DPP4: variants seen among roughly 807,000 people sequenced by gnomAD.
DPP4 encodes ADCP-2.
DPP4 carries 93 observed loss-of-function variants against 122.4 expected under a neutral mutation model. The observed-to-expected ratio is 0.76, with a 90% confidence interval of 0.64 to 0.90. The LOEUF is 0.90. Among genes scored for constraint, DPP4 ranks in the 40% least tolerant of loss-of-function variants. DPP4 has a pLI of 0.00. For synonymous variants in DPP4, 321 were observed against 302.9 expected (o/e 1.06, Z -0.62); for missense variants, 914 against 907.3 (o/e 1.01, Z -0.09).
chr2:162,006,197 C>CTTA (rs1309758999), intron 22 of DPP4, among the ~76,000 whole-genome samples: 1 of 152,146 alleles, frequency 6.6e-6, no homozygotes, highest in Non-Finnish European at 1.5e-5. Context: ...GGTAAGGGAT[C>CTTA]TTAACATTAT....
Position 162,038,299 on chromosome 2 carries a change from T to C in DPP4, c.613+3A>G, listed in dbSNP as rs1683857148. On this transcript the variant is annotated splice_donor_region_variant and intron_variant, in intron 8 of 25. Coordinates refer to ENST00000360534, the MANE Select transcript of DPP4 (RefSeq NM_001935.4). ...TGATTTGAAAAAGCTTTAAAGTTTC[T>C]ACCTTCATAAACCCAGTCAGTTATT... 1.3e-6 allele frequency: 2 copies of C among 1,550,072 alleles called. No homozygotes were observed.
At chr2:162,010,340 T>C (rs537340749) in intron 20 of DPP4, among the ~76,000 whole-genome samples, 1 of 152,348 alleles carries the variant, frequency 6.6e-6, no homozygotes, top group South Asian at 2.1e-4. Context: ...ATGTTTTTCT[T>C]TTATTGAATT....
chr2:162,037,534 C>CTTG (rs1683821920), intron 8 of DPP4, among the ~76,000 whole-genome samples: 1 of 151,954 alleles, frequency 6.6e-6, no homozygotes, highest in African/African-American at 2.4e-5. Context: ...TTTTTTTAAA[C>CTTG]TACAAAGAAG....
Position 162,024,796 on chromosome 2 carries a change from A to T in DPP4, c.1023+8T>A. On this transcript the variant is annotated splice_region_variant and intron_variant, in intron 11 of 25. Transcript: ENST00000360534. ...CTCTAGAAGCAGAACATCCCCATTCAGTCTCACCACTAAGCAGTTCCATCT... is the reference window on the plus strand; with the variant it reads ...CTCTAGAAGCAGAACATCCCCATTCTGTCTCACCACTAAGCAGTTCCATCT... The T allele has an allele frequency of 6.2e-7, 1 of 1,612,816 alleles. No homozygotes were observed. The highest frequency in any genetic ancestry group is 8.5e-7 in the Non-Finnish European group (1 of 1,179,804).
intron 1 of DPP4, 30 bp downstream of exon 1, chr2:162,073,946 C>T: frequency 1.2e-6 from 2 of 1,611,398 alleles, no homozygotes; most frequent in Non-Finnish European, 1.7e-6. Context: ...CCACAGCTCG[C>T]CCCGGGGACG....
In DPP4 at chr2:162,024,884, A is replaced by T; in HGVS notation, c.943T>A (p.Trp315Arg). The part of the protein sequence containing the change: ...WATQERISLQ[W>R]LRRIQNYSVM... ...GAATAGTTCTGAATCCTCCTGAGCC[A>T]CTGCAAAGAAATTCTTTCTTGTGTT... Residue 315 changes from tryptophan (W) to arginine (R), a missense_variant, in exon 11 of 26, where the codon TGG (tryptophan) becomes AGG (arginine). Trp to Arg is a moderately radical substitution (Grantham distance 101, BLOSUM62 -3). Transcript: ENST00000360534. 1 of 1,613,972 alleles carries T rather than the reference A, an allele frequency of 6.2e-7. No homozygotes were observed. Among genetic ancestry groups the T allele is most frequent in the Non-Finnish European group, 8.5e-7 (1 of 1,180,026 alleles).
At chr2:162,033,386 G>A (rs1683632437) in intron 10 of DPP4, among the ~76,000 whole-genome samples, 155 bp downstream of exon 10, 1 of 152,166 alleles carries the variant, frequency 6.6e-6, no homozygotes, top group Non-Finnish European at 1.5e-5. Flanking sequence ...ACGTGAAGAT[G>A]CTCAACAAAG....
intron 2 of DPP4, among the ~76,000 whole-genome samples, chr2:162,060,898 C>T (rs974430783): frequency 1.3e-5 from 2 of 149,804 alleles, no homozygotes; most frequent in Admixed American, 1.3e-4. Flanking sequence ...TCCTTCCTTC[C>T]TCCTCCCTCC....
chr2:162,062,935 C>T (rs1465581021), intron 2 of DPP4, among the ~76,000 whole-genome samples: 3 of 151,804 alleles, frequency 2.0e-5, no homozygotes, highest in Non-Finnish European at 4.4e-5. Context: ...AGCATTCTGC[C>T]TACCACAATC....
intron 2 of DPP4, among the ~76,000 whole-genome samples, chr2:162,051,544 A>G (rs1684384407): frequency 6.6e-6 from 1 of 152,262 alleles, no homozygotes; most frequent in Non-Finnish European, 1.5e-5. Context: ...AACAGGCAAA[A>G]GAGTTATCTG....
At chr2:162,012,129 T>G in intron 19 of DPP4, 142 bp from the exon 20 acceptor site, 2 of 680,502 alleles carry the variant, frequency 2.9e-6, no homozygotes, top group South Asian at 4.7e-5. Flanking sequence ...GTGTCCAGAA[T>G]GAGTCCTCTA....
At chr2:162,030,783 TC>T (rs1277979278) in intron 10 of DPP4, among the ~76,000 whole-genome samples, 1 of 152,136 alleles carries the variant, frequency 6.6e-6, no homozygotes, top group Non-Finnish European at 1.5e-5. Context: ...TATTTTAAAC[TC>T]CCTAAAAAAC....
chr2:162,073,867 G>C, intron 1 of DPP4, 109 bp downstream of exon 1: 3 of 1,461,574 alleles, frequency 2.1e-6, no homozygotes, highest in Non-Finnish European at 2.8e-6. Context: ...TGGGGCTTCC[G>C]CCTAAGGGGA....
chr2:162,036,965 TCA>T (rs1275830788), intron 8 of DPP4, among the ~76,000 whole-genome samples: 1 of 152,212 alleles, frequency 6.6e-6, no homozygotes, highest in Non-Finnish European at 1.5e-5. Context: ...TTACATAAAA[TCA>T]ATATAATCAG....
At chr2:162,024,598 G>A (rs1683250912) in intron 11 of DPP4, among the ~76,000 whole-genome samples, 1 of 152,170 alleles carries the variant, frequency 6.6e-6, no homozygotes, top group Non-Finnish European at 1.5e-5. Context: ...AGTATGACTA[G>A]TCAGTGTAGG....
chr2:161,994,832 A>G, intron 25 of DPP4, 129 bp downstream of exon 25: 2 of 766,922 alleles, frequency 2.6e-6, no homozygotes, highest in Non-Finnish European at 4.3e-6. Flanking sequence ...TTCTGACTTC[A>G]CGTTGAAAAA....
At chr2:162,023,144 TG>T (rs1315795727) in intron 11 of DPP4, among the ~76,000 whole-genome samples, 1 of 152,130 alleles carries the variant, frequency 6.6e-6, no homozygotes, top group African/African-American at 2.4e-5. Flanking sequence ...GCCAGAGACC[TG>T]GGGGTCATTC....
At position 162,033,635 on chromosome 2, in the gene DPP4, T is replaced by C. The variant is rs748410926; in HGVS notation, c.793A>G (p.Thr265Ala). Residue 265 changes from threonine (T) to alanine (A), a missense_variant, in exon 10 of 26, where the codon ACT becomes GCT. By Grantham distance (58) the Thr-to-Ala change is moderately conservative. Coordinates refer to ENST00000360534, the MANE Select transcript of DPP4 (RefSeq NM_001935.4). The part of the protein sequence containing the change: ...PYPKAGAVNP[T>A]VKFFVVNTDS... ...GTATTTACAACAAAGAACTTTACAG[T>C]TGGATTCACAGCTCCTGCCTAGGAA... The C allele has an allele frequency of 6.8e-6, 11 of 1,611,068 alleles. No individual in the cohort carries two copies. In the East Asian group the frequency reaches 1.1e-4, roughly 16 times the overall value.
chr2:162,051,093 C>G (rs564772635), intron 2 of DPP4, among the ~76,000 whole-genome samples: 1 of 152,128 alleles, frequency 6.6e-6, no homozygotes, highest in Non-Finnish European at 1.5e-5. Flanking sequence ...TAATTTTATA[C>G]TTTTCTTCTT....
Sources: allele counts gnomAD v4.1 joint callset (sites outside exome capture counted in the v4.1 genomes callset), GRCh38; gene constraint gnomAD v4.1.1; transcripts MANE v1.5; gene names NCBI Gene and HGNC (gene_info 2026-07-23, HGNC 2026-07-21).